STXBP6: variants seen among roughly 807,000 people sequenced by gnomAD.
The protein encoded by STXBP6 is syntaxin-binding protein 6.
STXBP6 carries 21 observed loss-of-function variants against 26.9 expected under a neutral mutation model. The ratio of observed to expected loss-of-function variants is 0.78; its 90% confidence interval spans 0.55 to 1.12. The LOEUF is 1.12. STXBP6 is among the 50% of genes most tolerant of loss of function. The pLI is 0.00. For synonymous variants in STXBP6, 97 were observed against 92.6 expected, an observed-to-expected ratio of 1.05 and a Z score of -0.27; for missense variants, 232 against 257.9, an observed-to-expected ratio of 0.90 and a Z score of 0.69.
At chr14:24,874,628 G>A (rs1306260483) in intron 2 of STXBP6, among the ~76,000 whole-genome samples, 2 of 152,080 alleles carry the variant, frequency 1.3e-5, no homozygotes, top group Non-Finnish European at 2.9e-5. Context: ...ACAGGTAGAA[G>A]GTCATTTTAA....
At chr14:25,015,527 T>A (rs1450706932) in intron 1 of STXBP6, among the ~76,000 whole-genome samples, 6 of 151,986 alleles carry the variant, frequency 3.9e-5, no homozygotes, top group Admixed American at 1.3e-4. Context: ...GGATTTATTA[T>A]TTTTTAGAAA....
intron 2 of STXBP6, among the ~76,000 whole-genome samples, chr14:24,868,650 G>A (rs1297002730): frequency 6.6e-6 from 1 of 152,172 alleles, no homozygotes; most frequent in Non-Finnish European, 1.5e-5. Context: ...GATCTGACCT[G>A]CATTTTAAAA....
rs543187203 is a variant in STXBP6 at position 24,924,012 on chromosome 14, A to G, written c.154+50653T>C. Among the ~76,000 whole-genome samples, 7 of 151,564 alleles carry G rather than the reference A, an allele frequency of 4.6e-5. No homozygotes were observed. The South Asian group carries it at 1.5e-3, about 32-fold the overall frequency. On this transcript the variant is annotated intron_variant, in intron 2 of 5. Coordinates refer to ENST00000323944, the MANE Select transcript of STXBP6 (RefSeq NM_001394410.1). ...GATAAAAATAAGAACCAATTCCCAC[A>G]TATTTTTTTTTTGCAAAAAGCTTTA...
chr14:24,909,646 G>A (rs1345258539), intron 2 of STXBP6, among the ~76,000 whole-genome samples: 9 of 151,716 alleles, frequency 5.9e-5, no homozygotes, highest in Non-Finnish European at 1.3e-4. Flanking sequence ...AATCAGCTAG[G>A]TGTGGCGGCT....
chr14:24,924,974 C>T (rs1229576618), intron 2 of STXBP6, among the ~76,000 whole-genome samples: 1 of 152,114 alleles, frequency 6.6e-6, no homozygotes, highest in East Asian at 1.9e-4. Context: ...AAATAAGATA[C>T]CGTTGTATCA....
chr14:24,887,826 C>T (rs1359764672), intron 2 of STXBP6, among the ~76,000 whole-genome samples: 4 of 152,148 alleles, frequency 2.6e-5, no homozygotes, highest in African/African-American at 4.8e-5. Flanking sequence ...GTCAAGTCAG[C>T]GTAAAGAATA....
chr14:24,898,460 C>T (rs1404810500), intron 2 of STXBP6, among the ~76,000 whole-genome samples: 1 of 152,058 alleles, frequency 6.6e-6, no homozygotes, highest in South Asian at 2.1e-4. Context: ...GGGTGGATCA[C>T]GAGGTCAGGA....
intron 1 of STXBP6, among the ~76,000 whole-genome samples, chr14:24,989,647 T>C (rs962734493): frequency 8.5e-5 from 13 of 152,336 alleles, no homozygotes; most frequent in African/African-American, 2.9e-4. Flanking sequence ...GCACGCCTAA[T>C]GTATGAAGGT....
chr14:24,900,803 CA>C (rs1287783978), intron 2 of STXBP6, among the ~76,000 whole-genome samples: 1 of 152,204 alleles, frequency 6.6e-6, no homozygotes, highest in Non-Finnish European at 1.5e-5. Flanking sequence ...ACAGAAGCAT[CA>C]GCCTGTCCTA....
intron 2 of STXBP6, among the ~76,000 whole-genome samples, chr14:24,964,673 G>A (rs2073672789): frequency 6.6e-6 from 1 of 151,792 alleles, no homozygotes; most frequent in Admixed American, 6.6e-5. Context: ...GTGTGTGTGT[G>A]TGTGTGTGTA....
At chr14:24,843,987 G>A (rs2068863278) in intron 4 of STXBP6, among the ~76,000 whole-genome samples, 2 of 152,188 alleles carry the variant, frequency 1.3e-5, no homozygotes. Context: ...TGAGATTAGA[G>A]GGTTTTAACT....
chr14:25,048,442 G>C (rs1206411116), intron 1 of STXBP6, among the ~76,000 whole-genome samples: 3 of 152,224 alleles, frequency 2.0e-5, no homozygotes, highest in African/African-American at 7.2e-5. Flanking sequence ...CTCTAGAACT[G>C]TGTAGTGTAT....
At chr14:25,029,809 C>T (rs1333895723) in intron 1 of STXBP6, among the ~76,000 whole-genome samples, 1 of 152,120 alleles carries the variant, frequency 6.6e-6, no homozygotes, top group Non-Finnish European at 1.5e-5. Flanking sequence ...TGAATCCTAA[C>T]ACCTGGACAC....
intron 1 of STXBP6, among the ~76,000 whole-genome samples, chr14:24,983,164 C>A (rs955823774): frequency 4.6e-5 from 7 of 152,130 alleles, no homozygotes; most frequent in Non-Finnish European, 8.8e-5. Context: ...GATTATCAAT[C>A]TAAAACATAG....
chr14:24,863,692 T>C (rs141597788), intron 2 of STXBP6, among the ~76,000 whole-genome samples: 461 of 152,274 alleles, frequency 3.0e-3, no homozygotes, highest in African/African-American at 9.9e-3. Flanking sequence ...ATTCTGTTTG[T>C]TTCAGGCTTC....
chr14:24,865,166 C>T (rs1013528136), intron 2 of STXBP6, among the ~76,000 whole-genome samples: 6 of 152,046 alleles, frequency 3.9e-5, no homozygotes, highest in Admixed American at 1.3e-4. Flanking sequence ...ACATCCAATC[C>T]AGATAAGTGC....
intron 2 of STXBP6, among the ~76,000 whole-genome samples, chr14:24,858,887 C>T (rs2069436321): frequency 6.6e-6 from 1 of 152,064 alleles, no homozygotes; most frequent in South Asian, 2.1e-4. Flanking sequence ...AGACACACAC[C>T]CCTAAATGCA....
chr14:24,921,827 A>G (rs2071989101), intron 2 of STXBP6, among the ~76,000 whole-genome samples: 1 of 151,302 alleles, frequency 6.6e-6, no homozygotes, highest in Non-Finnish European at 1.5e-5. Flanking sequence ...CTCAAAAGCC[A>G]CAACCCTTAC....
intron 2 of STXBP6, among the ~76,000 whole-genome samples, chr14:24,905,735 A>G (rs1002695730): frequency 1.3e-5 from 2 of 152,236 alleles, no homozygotes; most frequent in African/African-American, 4.8e-5. Flanking sequence ...AAATGAATAC[A>G]TAAGACATTT....
Sources: gnomAD v4.1 joint callset for allele counts (sites outside exome capture counted in the v4.1 genomes callset) on GRCh38, gnomAD v4.1.1 for gene constraint, MANE v1.5 for transcripts, NCBI Gene and HGNC (gene_info 2026-07-23, HGNC 2026-07-21) for gene names.